Variants in EPHA3 observed in about 807,000 individuals in gnomAD.
The protein encoded by EPHA3 is ephrin type-A receptor 3.
In EPHA3, 42 loss-of-function variants were observed where a neutral mutation model predicts 107.1. That is an observed-to-expected ratio of 0.39 (90% CI 0.31 to 0.51). EPHA3 has a LOEUF of 0.51. Among genes scored for constraint, EPHA3 ranks in the 20% least tolerant of loss-of-function variants. The pLI is 0.78. For missense variants in EPHA3, 1,183 were observed against 1,211.2 expected, an observed-to-expected ratio of 0.98 and a Z score of 0.35; for synonymous variants, 461 against 424.8, an observed-to-expected ratio of 1.09 and a Z score of -1.05.
At chr3:89,201,731 T>G (rs1705973405) in intron 2 of EPHA3, among the ~76,000 whole-genome samples, 1 of 152,232 alleles carries the variant, frequency 6.6e-6, no homozygotes, top group South Asian at 2.1e-4. Flanking sequence ...GAGTGTTTAT[T>G]TAGAAATTTG....
At chr3:89,141,746 C>T (rs532442062) in intron 2 of EPHA3, among the ~76,000 whole-genome samples, 2 of 150,440 alleles carry the variant, frequency 1.3e-5, no homozygotes, top group East Asian at 3.9e-4. Context: ...TATATATATA[C>T]ACACATACGT....
chr3:89,136,799 C>T (rs560378359), intron 2 of EPHA3, among the ~76,000 whole-genome samples: 20 of 151,880 alleles, frequency 1.3e-4, no homozygotes, highest in Non-Finnish European at 1.0e-4. Flanking sequence ...AAATAATTTT[C>T]ATTTCTATTT....
intron 2 of EPHA3, among the ~76,000 whole-genome samples, chr3:89,170,382 C>T (rs56408441): frequency 0.11 from 17,061 of 152,074 alleles, 984 homozygotes; most frequent in Middle Eastern, 0.18. Context: ...TTATTTTCCT[C>T]ATAAGGACTT....
intron 3 of EPHA3, among the ~76,000 whole-genome samples, chr3:89,324,079 C>T (rs1040346729): frequency 2.0e-5 from 3 of 151,278 alleles, no homozygotes; most frequent in Non-Finnish European, 4.4e-5. Flanking sequence ...TGCCTTTGCT[C>T]ATATAGCCAT....
In EPHA3 at chr3:89,255,933, TAA is replaced by T. The variant is rs975959991; in HGVS notation, c.814+45418_814+45419del. On this transcript the variant is annotated intron_variant, in intron 3 of 16. Transcript: ENST00000336596. The stretch of plus-strand genomic sequence containing the variant: ...AAATAAATAAATAAATAAATAAAAA[TAA>T]AAAATAGGCCGGGTGCGGTGGCTTA... Among the ~76,000 whole-genome samples the T allele has an allele frequency of 2.4e-4, 37 of 151,312 alleles. No homozygotes were observed. In the East Asian group the frequency reaches 2.7e-3, roughly 11 times the overall value.
rs1366365728 is a variant in EPHA3 at position 89,391,576 on chromosome 3, C to A, written c.1307-4261C>A. ...CCGAATAGCTGGGACTATAGGTGCCCGCCACCATGCCCAGCTAATTTTTTG... is the reference window on the plus strand; with the variant it reads ...CCGAATAGCTGGGACTATAGGTGCCAGCCACCATGCCCAGCTAATTTTTTG... On this transcript the variant is annotated intron_variant, in intron 5 of 16. Transcript: ENST00000336596. Among the ~76,000 whole-genome samples, 6 of 151,090 alleles carry A rather than the reference C, an allele frequency of 4.0e-5. No individual in the cohort carries two copies. The East Asian group carries it at 1.2e-3, about 29-fold the overall frequency.
chr3:89,441,507 T>A (rs1229210271), intron 13 of EPHA3, among the ~76,000 whole-genome samples: 1 of 152,166 alleles, frequency 6.6e-6, no homozygotes, highest in South Asian at 2.1e-4. Flanking sequence ...AAAAAACACA[T>A]CTTCATAAAT....
At chr3:89,368,796 C>A (rs186919332) in intron 5 of EPHA3, among the ~76,000 whole-genome samples, 22 of 150,196 alleles carry the variant, frequency 1.5e-4, no homozygotes, top group East Asian at 7.8e-4. Flanking sequence ...CTAGAAACAC[C>A]CCCATAGATT....
intron 3 of EPHA3, among the ~76,000 whole-genome samples, chr3:89,334,463 G>A (rs189231201): frequency 6.6e-6 from 1 of 152,190 alleles, no homozygotes; most frequent in Non-Finnish European, 1.5e-5. Flanking sequence ...CTACAGATTT[G>A]GGCATACAGG....
intron 5 of EPHA3, among the ~76,000 whole-genome samples, chr3:89,389,912 C>G (rs753777193): frequency 6.6e-6 from 1 of 152,176 alleles, no homozygotes; most frequent in African/African-American, 2.4e-5. Context: ...AAAAATCTTC[C>G]TTCTGTACTT....
intron 5 of EPHA3, among the ~76,000 whole-genome samples, chr3:89,383,565 A>G (rs1435235961): frequency 6.6e-6 from 1 of 150,994 alleles, no homozygotes; most frequent in Admixed American, 6.6e-5. Context: ...CAGATTTATG[A>G]CCTCAGCAGT....
intron 1 of EPHA3, among the ~76,000 whole-genome samples, chr3:89,116,829 T>A (rs191054084): frequency 8.5e-5 from 13 of 152,192 alleles, no homozygotes; most frequent in Admixed American, 2.6e-4. Context: ...AGCAACAAAC[T>A]TTTTCCCCCT....
chr3:89,339,070 A>C (rs1707456816), intron 3 of EPHA3, among the ~76,000 whole-genome samples: 1 of 152,292 alleles, frequency 6.6e-6, no homozygotes, highest in African/African-American at 2.4e-5. Context: ...ACATATACAT[A>C]CAGCTTCATA....
chr3:89,448,637 C>T (rs1380822500), intron 13 of EPHA3, among the ~76,000 whole-genome samples: 8 of 152,110 alleles, frequency 5.3e-5, no homozygotes, highest in Non-Finnish European at 1.2e-4. Flanking sequence ...ATCCAGAAGA[C>T]ACTTCAATGA....
intron 5 of EPHA3, among the ~76,000 whole-genome samples, chr3:89,343,374 C>T (rs1438966551): frequency 6.6e-6 from 1 of 152,136 alleles, no homozygotes; most frequent in African/African-American, 2.4e-5. Context: ...CTAGCTGTTC[C>T]TGCAGGTTAT....
chr3:89,400,894 G>A (rs146279888), intron 7 of EPHA3, among the ~76,000 whole-genome samples: 1 of 152,216 alleles, frequency 6.6e-6, no homozygotes, highest in East Asian at 1.9e-4. Flanking sequence ...GAGCAAAGAT[G>A]CACACCCTTT....
chr3:89,187,170 G>A (rs192280697), intron 2 of EPHA3, among the ~76,000 whole-genome samples: 324 of 150,374 alleles, frequency 2.2e-3, no homozygotes, highest in Admixed American at 3.7e-3. Context: ...TTGAATTACT[G>A]TATAAAAGCC....
chr3:89,260,958 G>A (rs534065447), intron 3 of EPHA3, among the ~76,000 whole-genome samples: 1 of 152,286 alleles, frequency 6.6e-6, no homozygotes, highest in East Asian at 1.9e-4. Flanking sequence ...CAGCTGCTAA[G>A]CTATCCTGCT....
Position 89,181,902 on chromosome 3 carries a change from G to C in EPHA3, c.154-27958G>C, listed in dbSNP as rs1274240670. On this transcript the variant is annotated intron_variant, in intron 2 of 16. Transcript: ENST00000336596. ...ATCATTATTCCTTGGCAAAATGCTA[G>C]TACCTTTTTTAAGGGTCGCTGGGAA... Among the ~76,000 whole-genome samples the C allele has an allele frequency of 5.9e-5, 9 of 151,944 alleles. No individual in the cohort carries two copies. The East Asian group carries it at 1.5e-3, about 26-fold the overall frequency.
Sources: gnomAD v4.1 joint callset for allele counts (sites outside exome capture counted in the v4.1 genomes callset) on GRCh38, gnomAD v4.1.1 for gene constraint, MANE v1.5 for transcripts, NCBI Gene and HGNC (gene_info 2026-07-23, HGNC 2026-07-21) for gene names.